The following SRPK1 variants were observed in gnomAD, a reference collection of about 807,000 sequenced individuals.
The protein encoded by SRPK1 is SRSF protein kinase 1.
SRPK1 carries 52 observed loss-of-function variants against 89.5 expected under a neutral mutation model. The observed-to-expected ratio is 0.58, with a 90% CI of 0.46 to 0.73. SRPK1 has a LOEUF of 0.73. SRPK1 is among the 30% of genes least tolerant of loss of function. The pLI is 0.00. For synonymous variants in SRPK1, 255 were observed against 270.2 expected (o/e 0.94, Z 0.55); for missense variants, 603 against 780.6 (o/e 0.77, Z 2.71).
chr6:35,854,467 A>G (rs1449128108), intron 13 of SRPK1, among the ~76,000 whole-genome samples: 1 of 152,190 alleles, frequency 6.6e-6, no homozygotes, highest in East Asian at 1.9e-4. Flanking sequence ...TTGTTTTTCT[A>G]TGTCGACTGG....
intron 15 of SRPK1, among the ~76,000 whole-genome samples, chr6:35,836,754 C>CAAT (rs10540061): frequency 0.2 from 28,031 of 143,216 alleles, 2,842 homozygotes; most frequent in Middle Eastern, 0.3. Context: ...TACCCTGTCT[C>CAAT]AATAATAATA....
At chr6:35,910,610 A>G (rs987413432) in intron 2 of SRPK1, among the ~76,000 whole-genome samples, 2 of 152,206 alleles carry the variant, frequency 1.3e-5, no homozygotes, top group Non-Finnish European at 2.9e-5. Flanking sequence ...TAGACAAAAG[A>G]GCCTTCTATT....
chr6:35,870,235 C>A, intron 10 of SRPK1, 46 bp downstream of exon 10: 1 of 1,524,628 alleles, frequency 6.6e-7, no homozygotes, highest in Non-Finnish European at 9.0e-7. Context: ...GATAAATTAA[C>A]GTTAAAGTGT....
intron 12 of SRPK1, among the ~76,000 whole-genome samples, chr6:35,858,269 G>C (rs953078490): frequency 6.6e-6 from 1 of 151,862 alleles, no homozygotes; most frequent in Non-Finnish European, 1.5e-5. Flanking sequence ...GTACATACTA[G>C]ACATTTTCTT....
At chr6:35,882,648 A>G (rs1770320788) in intron 6 of SRPK1, among the ~76,000 whole-genome samples, 1 of 152,162 alleles carries the variant, frequency 6.6e-6, no homozygotes, top group South Asian at 2.1e-4. Context: ...AAACAATTAC[A>G]GATAAAATGT....
At chr6:35,854,394 A>C (rs1161596709) in intron 13 of SRPK1, among the ~76,000 whole-genome samples, 1 of 152,240 alleles carries the variant, frequency 6.6e-6, no homozygotes, top group Non-Finnish European at 1.5e-5. Context: ...AGGATGATCC[A>C]TCTCTTCAGG....
chr6:35,841,325 A>AC (rs1434730806), intron 14 of SRPK1, among the ~76,000 whole-genome samples: 1 of 152,208 alleles, frequency 6.6e-6, no homozygotes, highest in Admixed American at 6.5e-5. Flanking sequence ...AGCAGGTCCT[A>AC]CTAACATTAC....
chr6:35,912,997 A>T (rs1771004728), intron 2 of SRPK1, among the ~76,000 whole-genome samples: 2 of 152,186 alleles, frequency 1.3e-5, no homozygotes, highest in South Asian at 2.1e-4. Context: ...GCCCAGGCTA[A>T]TCTCAAGTTC....
chr6:35,870,611 A>G lies in SRPK1; in HGVS notation c.778-117T>C, dbSNP rs1040982461. The G allele has an allele frequency of 6.4e-6, 6 of 936,692 alleles. No individual in the cohort carries two copies. The African/African-American group carries it at 1.0e-4, about 16-fold the overall frequency. The allele number at this position is 936,692 out of a possible 1,614,324, so 58.0% of individuals were successfully genotyped here. ...TAAATTTCACAAATCTTTCCCTAAC[A>G]TAGCACTTAAGTCTTTCATTAAATT... is the stretch of plus-strand genomic sequence containing the variant. On this transcript the variant is annotated intron_variant, in intron 9 of 15. Transcript: ENST00000373825.
chr6:35,876,429 G>A (rs1453706146), intron 6 of SRPK1, among the ~76,000 whole-genome samples: 1 of 152,114 alleles, frequency 6.6e-6, no homozygotes, highest in Non-Finnish European at 1.5e-5. Context: ...TTGAGCCCAG[G>A]AGTTCAAGAA....
chr6:35,853,531 GT>G (rs146262626), intron 13 of SRPK1, among the ~76,000 whole-genome samples: 5,904 of 152,128 alleles, frequency 0.039, 321 homozygotes, highest in African/African-American at 0.13. Context: ...ATATTCTCTA[GT>G]TTTTTCCCTA....
At chr6:35,913,298 T>C (rs894619471) in intron 2 of SRPK1, among the ~76,000 whole-genome samples, 1 of 152,164 alleles carries the variant, frequency 6.6e-6, no homozygotes, top group Non-Finnish European at 1.5e-5. Flanking sequence ...AAATTCAATT[T>C]TGCAAGTAAA....
intron 1 of SRPK1, 108 bp from the exon 2 acceptor site, chr6:35,920,636 G>A: frequency 1.1e-6 from 1 of 937,478 alleles, no homozygotes; most frequent in Non-Finnish European, 1.4e-6. Context: ...GGCCTGCCTC[G>A]GGGGCGGCTG....
At position 35,880,015 on chromosome 6, in the gene SRPK1, C is replaced by T. The variant is rs539003106; in HGVS notation, c.479-5676G>A. On this transcript the variant is annotated intron_variant, in intron 6 of 15. Coordinates refer to ENST00000373825, the MANE Select transcript of SRPK1 (RefSeq NM_003137.5). Reference sequence around the variant, plus strand: ...AGTCAAGGCTGATGTGAGCTGTGTTCGCACCACGGCACTCCAGCCTGGGTG... The same window carrying T: ...AGTCAAGGCTGATGTGAGCTGTGTTTGCACCACGGCACTCCAGCCTGGGTG... 7.9e-4 allele frequency among the ~76,000 whole-genome samples: 118 copies of T among 149,248 alleles called. 1 individual carries two copies. Among genetic ancestry groups the T allele is most frequent in the African/African-American group, 2.5e-3 (101 of 40,514 alleles).
At chr6:35,907,953 C>T (rs891369217) in intron 2 of SRPK1, among the ~76,000 whole-genome samples, 6 of 152,122 alleles carry the variant, frequency 3.9e-5, no homozygotes, top group African/African-American at 1.4e-4. Context: ...GGCACTTCCT[C>T]GTTCTCGCAG....
intron 13 of SRPK1, among the ~76,000 whole-genome samples, chr6:35,845,881 C>G (rs1448193048): frequency 6.6e-6 from 1 of 152,086 alleles, no homozygotes; most frequent in Non-Finnish European, 1.5e-5. Context: ...TTATCTTGAC[C>G]CCAGGTTTGA....
chr6:35,874,312 C>A lies in SRPK1; in HGVS notation c.506G>T (p.Gly169Val). Residue 169 changes from glycine (G) to valine (V), a missense_variant, in exon 7 of 16, where the codon GGG becomes GTG. Transcript: ENST00000373825. ...THICMVFEVLGHHLLKWIIKS... is the reference protein window; with the variant it reads ...THICMVFEVLVHHLLKWIIKS... The stretch of plus-strand genomic sequence containing the variant: ...GATGATCCACTTGAGCAGATGATGC[C>A]CCAAAACTTCAAATACCATGCAGAT... The A allele has an allele frequency of 6.2e-7, 1 of 1,612,972 alleles. No homozygotes were observed. The highest frequency in any genetic ancestry group is 8.5e-7 in the Non-Finnish European group (1 of 1,179,506).
intron 6 of SRPK1, among the ~76,000 whole-genome samples, chr6:35,877,334 T>A (rs1251538030): frequency 6.6e-6 from 1 of 152,136 alleles, no homozygotes; most frequent in African/African-American, 2.4e-5. Context: ...TCAAGAAGAT[T>A]TATAGAAATA....
chr6:35,915,799 C>T (rs1236239700), intron 2 of SRPK1, among the ~76,000 whole-genome samples: 2 of 151,528 alleles, frequency 1.3e-5, no homozygotes, highest in African/African-American at 2.4e-5. Flanking sequence ...GGTGAAATCC[C>T]GTCTCTACTA....
Sources: allele counts gnomAD v4.1 joint callset (sites outside exome capture counted in the v4.1 genomes callset), GRCh38; gene constraint gnomAD v4.1.1; transcripts MANE v1.5; gene names NCBI Gene and HGNC (gene_info 2026-07-23, HGNC 2026-07-21).